The following GOLIM4 variants were observed in gnomAD, a reference collection of about 807,000 sequenced individuals.
GOLIM4 encodes 130 kDa golgi-localized phosphoprotein.
A neutral mutation model predicts 107.4 loss-of-function variants in GOLIM4; 71 were observed. The observed-to-expected ratio is 0.66, with a 90% CI of 0.55 to 0.81. GOLIM4 has a LOEUF of 0.81. Among genes scored for constraint, GOLIM4 ranks in the 30% least tolerant of loss-of-function variants. The pLI, the probability that GOLIM4 is intolerant of heterozygous loss-of-function variation, is 0.00. For synonymous variants in GOLIM4, 327 were observed against 294.8 expected (o/e 1.11, Z -1.12); for missense variants, 830 against 826.1 (o/e 1.00, Z -0.06).
chr3:168,019,628 GCTT>G (rs1717573539), intron 14 of GOLIM4, among the ~76,000 whole-genome samples: 1 of 152,048 alleles, frequency 6.6e-6, no homozygotes, highest in Admixed American at 6.5e-5. Context: ...GAATTTATTT[GCTT>G]CTTTATATCA....
intron 1 of GOLIM4, among the ~76,000 whole-genome samples, chr3:168,087,129 T>A (rs754552140): frequency 1.2e-4 from 18 of 152,160 alleles, no homozygotes; most frequent in Non-Finnish European, 1.6e-4. Context: ...CCTGTACAGT[T>A]TTTTTGAATC....
intron 1 of GOLIM4, among the ~76,000 whole-genome samples, chr3:168,092,906 A>G (rs1333765852): frequency 6.6e-6 from 1 of 152,270 alleles, no homozygotes; most frequent in Non-Finnish European, 1.5e-5. Context: ...ATGCACAATT[A>G]TACTGCAAGT....
intron 1 of GOLIM4, among the ~76,000 whole-genome samples, chr3:168,066,758 T>C (rs1364455678): frequency 1.3e-5 from 2 of 152,158 alleles, no homozygotes; most frequent in African/African-American, 4.8e-5. Context: ...CTAGTATCTA[T>C]TCATTAGAAG....
intron 8 of GOLIM4, among the ~76,000 whole-genome samples, chr3:168,034,268 T>C (rs969152283): frequency 2.0e-5 from 3 of 152,194 alleles, no homozygotes; most frequent in South Asian, 2.1e-4. Context: ...ATCTTCACAA[T>C]ATCCTAGTGA....
chr3:168,074,912 G>C (rs1049903153), intron 1 of GOLIM4, among the ~76,000 whole-genome samples: 1 of 152,118 alleles, frequency 6.6e-6, no homozygotes, highest in African/African-American at 2.4e-5. Flanking sequence ...CAGACAGAGA[G>C]GAAATTAGAT....
chr3:168,071,574 G>A (rs774832161), intron 1 of GOLIM4, among the ~76,000 whole-genome samples: 2 of 151,026 alleles, frequency 1.3e-5, no homozygotes, highest in Non-Finnish European at 2.9e-5. Context: ...AAGGAAACAT[G>A]GCAACAGAAA....
Position 168,069,449 on chromosome 3 carries a change from A to G in GOLIM4, c.188-21084T>C, listed in dbSNP as rs1371238784. Among the ~76,000 whole-genome samples the G allele has an allele frequency of 2.0e-5, 3 of 152,348 alleles. No homozygotes were observed. The East Asian group carries it at 5.8e-4, about 29-fold the overall frequency. ...TTAATACAGTTTGAAATGCTTTTCA[A>G]TAATATAATTTGAAACAAGAAGTTT... On this transcript the variant is annotated intron_variant, in intron 1 of 15. Coordinates refer to ENST00000470487, the MANE Select transcript of GOLIM4 (RefSeq NM_014498.5).
At chr3:168,091,417 C>T (rs1378788934) in intron 1 of GOLIM4, among the ~76,000 whole-genome samples, 1 of 152,192 alleles carries the variant, frequency 6.6e-6, no homozygotes, top group African/African-American at 2.4e-5. Flanking sequence ...ACACCCTCTC[C>T]TAATCTGATA....
At chr3:168,053,207 A>C (rs1264068609) in intron 1 of GOLIM4, among the ~76,000 whole-genome samples, 1 of 152,220 alleles carries the variant, frequency 6.6e-6, no homozygotes, top group Non-Finnish European at 1.5e-5. Context: ...CTTATGGGCA[A>C]AATGCATATC....
intron 1 of GOLIM4, among the ~76,000 whole-genome samples, chr3:168,055,244 C>T (rs1211294455): frequency 6.6e-6 from 1 of 152,096 alleles, no homozygotes; most frequent in Non-Finnish European, 1.5e-5. Context: ...AGATGTGGGA[C>T]AGTTTGGAAC....
chr3:168,072,255 T>C (rs940443165), intron 1 of GOLIM4, among the ~76,000 whole-genome samples: 1 of 151,948 alleles, frequency 6.6e-6, no homozygotes, highest in Admixed American at 6.6e-5. Flanking sequence ...CACTCAGTGA[T>C]GGGGTGGGAA....
chr3:168,056,793 AG>A (rs1577548447), intron 1 of GOLIM4, among the ~76,000 whole-genome samples: 1 of 152,216 alleles, frequency 6.6e-6, no homozygotes, highest in East Asian at 1.9e-4. Context: ...CATTGTATCT[AG>A]GAAGTAATTA....
chr3:168,043,279 G>A (rs1719121590), intron 5 of GOLIM4, 100 bp downstream of exon 5: 1 of 765,804 alleles, frequency 1.3e-6, no homozygotes, highest in Non-Finnish European at 2.1e-6. Flanking sequence ...CATGATAAAT[G>A]TAAATCGATC....
chr3:168,040,856 T>C lies in GOLIM4; in HGVS notation c.614A>G (p.Asn205Ser). The change falls in exon 7 of 16, where the codon AAT (asparagine) becomes AGT (serine). Residue 205 changes from asparagine to serine, a missense_variant. Transcript: ENST00000470487. ...QLQDVKQQHK[N>S]LLSEHEQLVV... Reference sequence around the variant, plus strand: ...AAGTTGTTCATGCTCGGAGAGTAAATTCTTATGCTGTTGCTACACAAAAAA... The same window carrying C: ...AAGTTGTTCATGCTCGGAGAGTAAACTCTTATGCTGTTGCTACACAAAAAA... 6.2e-7 allele frequency: 1 copy of C among 1,610,656 alleles called. No individual in the cohort carries two copies. The highest frequency in any genetic ancestry group is 8.5e-7 in the Non-Finnish European group (1 of 1,176,930).
chr3:168,070,307 C>A (rs2108277199), intron 1 of GOLIM4, among the ~76,000 whole-genome samples: 1 of 152,302 alleles, frequency 6.6e-6, no homozygotes, highest in Non-Finnish European at 1.5e-5. Flanking sequence ...GCAGGAGAAT[C>A]ACTTGAACCC....
In GOLIM4 at chr3:168,082,760, G is replaced by C. The variant is rs536654096; in HGVS notation, c.187+12339C>G. On this transcript the variant is annotated intron_variant, in intron 1 of 15. Transcript: ENST00000470487. ...AAGAGCAGGAGTTCACAGCAACTTA[G>C]AATGCCAGTGAACATCATGGCAGAA... 7.8e-4 allele frequency among the ~76,000 whole-genome samples: 119 copies of C among 152,024 alleles called. 1 individual carries two copies. The highest frequency in any genetic ancestry group is 1.3e-3 in the Non-Finnish European group (90 of 67,966).
intron 6 of GOLIM4, 35 bp from the exon 7 acceptor site, chr3:168,040,904 A>G: frequency 7.6e-7 from 1 of 1,321,264 alleles, no homozygotes; most frequent in Non-Finnish European, 1.1e-6. Flanking sequence ...TTGAGCTTTA[A>G]CATTCTACGA....
intron 1 of GOLIM4, among the ~76,000 whole-genome samples, chr3:168,057,281 C>T (rs1441854019): frequency 1.3e-5 from 2 of 152,160 alleles, no homozygotes; most frequent in African/African-American, 2.4e-5. Flanking sequence ...ACTGCCCAGT[C>T]TTGGGTATGT....
At chr3:168,059,540 T>A (rs1720146917) in intron 1 of GOLIM4, among the ~76,000 whole-genome samples, 1 of 152,164 alleles carries the variant, frequency 6.6e-6, no homozygotes. Context: ...CAAACAAATA[T>A]TAATTGGGCC....
Sources: allele counts gnomAD v4.1 joint callset (sites outside exome capture counted in the v4.1 genomes callset), GRCh38; gene constraint gnomAD v4.1.1; transcripts MANE v1.5; gene names NCBI Gene and HGNC (gene_info 2026-07-23, HGNC 2026-07-21).